The following DOCK1 variants were observed in gnomAD, a reference collection of about 807,000 sequenced individuals.
The protein encoded by DOCK1 is dedicator of cytokinesis protein 1.
DOCK1 carries 138 observed loss-of-function variants against 262.7 expected under a neutral mutation model. The observed-to-expected ratio is 0.53, with a 90% CI of 0.46 to 0.61. The LOEUF (loss-of-function observed/expected upper bound fraction) is 0.61. DOCK1 is among the 20% of genes least tolerant of loss of function. The pLI, the probability that DOCK1 is intolerant of heterozygous loss-of-function variation, is 0.00. For synonymous variants in DOCK1, 866 were observed against 867.4 expected, an observed-to-expected ratio of 1.00 and a Z score of 0.03; for missense variants, 1,908 against 2,370.7, an observed-to-expected ratio of 0.80 and a Z score of 4.05.
At chr10:127,257,275 G>A in intron 28 of DOCK1, 60 bp from the exon 29 acceptor site, 7 of 1,304,682 alleles carry the variant, frequency 5.4e-6, no homozygotes, top group Non-Finnish European at 7.5e-6. Context: ...ATTGACAGGA[G>A]GGTATCATGT....
At chr10:127,144,321 C>G (rs1445526482) in intron 27 of DOCK1, among the ~76,000 whole-genome samples, 1 of 152,210 alleles carries the variant, frequency 6.6e-6, no homozygotes, top group East Asian at 1.9e-4. Flanking sequence ...CTCATCCACA[C>G]ACCTCTGGGA....
At chr10:127,114,897 C>G (rs1237897975) in intron 25 of DOCK1, among the ~76,000 whole-genome samples, 1 of 152,030 alleles carries the variant, frequency 6.6e-6, no homozygotes, top group Admixed American at 6.6e-5. Flanking sequence ...GCTGGTACTA[C>G]AGGCGCATGC....
intron 1 of DOCK1, among the ~76,000 whole-genome samples, chr10:126,958,323 G>C (rs973124297): frequency 6.6e-6 from 1 of 152,146 alleles, no homozygotes; most frequent in Non-Finnish European, 1.5e-5. Flanking sequence ...CATGGTCCAC[G>C]GTCTTTGTGT....
intron 29 of DOCK1, among the ~76,000 whole-genome samples, chr10:127,317,155 C>G (rs187678961): frequency 6.6e-5 from 10 of 152,294 alleles, no homozygotes; most frequent in African/African-American, 2.4e-4. Flanking sequence ...TCTGTGACCT[C>G]ATTATATGCG....
intron 27 of DOCK1, among the ~76,000 whole-genome samples, chr10:127,147,299 G>A (rs1393687307): frequency 1.3e-5 from 2 of 152,152 alleles, no homozygotes; most frequent in South Asian, 2.1e-4. Flanking sequence ...TGCCCTGGCT[G>A]TTTGTCCTCC....
At chr10:127,234,643 A>G (rs1313129689) in intron 27 of DOCK1, among the ~76,000 whole-genome samples, 2 of 152,106 alleles carry the variant, frequency 1.3e-5, no homozygotes, top group African/African-American at 2.4e-5. Flanking sequence ...CAGACTCAAT[A>G]ATGTGTTTCT....
intron 43 of DOCK1, among the ~76,000 whole-genome samples, chr10:127,411,921 A>G (rs1164773979): frequency 6.6e-6 from 1 of 152,218 alleles, no homozygotes; most frequent in East Asian, 1.9e-4. Flanking sequence ...TAGAAATAAC[A>G]GCAAACATCT....
chr10:127,283,442 G>T (rs933992830), intron 29 of DOCK1, among the ~76,000 whole-genome samples: 2 of 152,200 alleles, frequency 1.3e-5, no homozygotes, highest in Non-Finnish European at 2.9e-5. Context: ...CATGCCAGAG[G>T]AACACTGAAT....
intron 1 of DOCK1, among the ~76,000 whole-genome samples, chr10:126,954,464 T>C (rs972584393): frequency 6.6e-6 from 1 of 152,258 alleles, no homozygotes; most frequent in Non-Finnish European, 1.5e-5. Context: ...GAACCATTTT[T>C]AGGTGTACAG....
At chr10:127,161,923 C>G (rs77426221) in intron 27 of DOCK1, among the ~76,000 whole-genome samples, 11 of 152,170 alleles carry the variant, frequency 7.2e-5, no homozygotes, top group Admixed American at 1.3e-4. Flanking sequence ...ACCCCTGTTC[C>G]AGAGAAACTT....
intron 28 of DOCK1, among the ~76,000 whole-genome samples, chr10:127,251,844 G>T (rs1378977444): frequency 6.8e-6 from 1 of 146,142 alleles, no homozygotes; most frequent in Non-Finnish European, 1.5e-5. Flanking sequence ...ATAAACATAC[G>T]TGTGCATGTG....
intron 27 of DOCK1, among the ~76,000 whole-genome samples, chr10:127,222,761 G>T (rs2134454250): frequency 1.3e-5 from 2 of 151,658 alleles, no homozygotes; most frequent in African/African-American, 2.4e-5. Context: ...GACCTCCTAG[G>T]CTAAAGTGAT....
At chr10:127,117,801 T>G (rs2049285956) in intron 25 of DOCK1, among the ~76,000 whole-genome samples, 1 of 152,166 alleles carries the variant, frequency 6.6e-6, no homozygotes, top group Non-Finnish European at 1.5e-5. Context: ...CTGAGTCTCT[T>G]TAGTACATGA....
At chr10:127,405,141 A>ATG (rs1405468530) in intron 40 of DOCK1, among the ~76,000 whole-genome samples, 1 of 152,206 alleles carries the variant, frequency 6.6e-6, no homozygotes, top group Non-Finnish European at 1.5e-5. Flanking sequence ...TGCTATGAAG[A>ATG]TGTATGTTTT....
chr10:127,280,059 G>C, intron 29 of DOCK1, among the ~76,000 whole-genome samples: 4 of 127,082 alleles, frequency 3.1e-5, no homozygotes, highest in African/African-American at 1.3e-4. Context: ...TTTTGAGACG[G>C]AGTCTCGCTC....
In DOCK1 at chr10:127,257,252, A is replaced by G. The variant is rs529082246; in HGVS notation, c.2950-83A>G. ...GTTCATTCAGCCTTTAAAATGGGGT[A>G]TTTTATAATCTAATTGACAGGAGGG... On this transcript the variant is annotated intron_variant, in intron 28 of 51. Coordinates refer to ENST00000623213, the MANE Select transcript of DOCK1 (RefSeq NM_001290223.2). 1.1e-5 allele frequency: 12 copies of G among 1,123,398 alleles called. No homozygotes were observed. The South Asian group carries it at 1.7e-4, about 16-fold the overall frequency. 69.6% of individuals were successfully genotyped at this position (1,123,398 alleles called of 1,614,324 possible).
In DOCK1 at chr10:126,987,549, C is replaced by A; in HGVS notation, c.256C>A (p.Leu86Ile). ...ACATGAAACAGTCATCCCGGGTGAC[C>A]TCCCCCTCATCCAGGAAGTCACCAC... ...GQHETVIPGD[L>I]PLIQEVTTTL... Residue 86 changes from leucine to isoleucine, a missense_variant, in exon 5 of 52, where the codon CTC becomes ATC. Leu to Ile is a conservative substitution (Grantham distance 5). Coordinates refer to ENST00000623213, the MANE Select transcript of DOCK1 (RefSeq NM_001290223.2). 6.3e-7 allele frequency: 1 copy of A among 1,581,394 alleles called. No homozygotes were observed. Among genetic ancestry groups the A allele is most frequent in the Admixed American group, 1.8e-5 (1 of 55,380 alleles).
chr10:127,299,764 C>T (rs1298515482), intron 29 of DOCK1, among the ~76,000 whole-genome samples: 2 of 152,156 alleles, frequency 1.3e-5, no homozygotes, highest in Non-Finnish European at 2.9e-5. Flanking sequence ...ATCTCCTAGA[C>T]CTACGTACTT....
At chr10:127,078,964 C>A (rs1032034283) in intron 23 of DOCK1, among the ~76,000 whole-genome samples, 3 of 152,096 alleles carry the variant, frequency 2.0e-5, no homozygotes, top group Non-Finnish European at 4.4e-5. Flanking sequence ...CCACCTATGT[C>A]TTTTATTTGG....
Sources: allele counts gnomAD v4.1 joint callset (sites outside exome capture counted in the v4.1 genomes callset), GRCh38; gene constraint gnomAD v4.1.1; transcripts MANE v1.5; gene names NCBI Gene and HGNC (gene_info 2026-07-23, HGNC 2026-07-21).